The following SH3BP5 variants were observed in gnomAD, a reference collection of about 807,000 sequenced individuals.
The protein encoded by SH3BP5 is SH3 domain binding protein 5, also known as SH3 domain-binding protein 5.
In SH3BP5, 22 loss-of-function variants were observed where a neutral mutation model predicts 43.3. That is an observed-to-expected ratio of 0.51 (90% CI 0.36 to 0.73). SH3BP5 has a LOEUF of 0.73. Ranked by LOEUF, SH3BP5 falls within the 30% of genes least tolerant of loss-of-function variation. The pLI, the probability that SH3BP5 is intolerant of heterozygous loss-of-function variation, is 0.00. For synonymous variants in SH3BP5, 255 were observed against 225.8 expected, an observed-to-expected ratio of 1.13 and a Z score of -1.16; for missense variants, 529 against 586.9, an observed-to-expected ratio of 0.90 and a Z score of 1.02.
chr3:15,257,487 G>T, intron 7 of SH3BP5: 1 of 175,010 alleles, frequency 5.7e-6, no homozygotes, highest in Non-Finnish European at 1.2e-5. Flanking sequence ...CTAGTCCTCT[G>T]TAACATATCC....
intron 3 of SH3BP5, among the ~76,000 whole-genome samples, chr3:15,291,770 T>C (rs1226222603): frequency 2.0e-5 from 3 of 152,210 alleles, no homozygotes; most frequent in Non-Finnish European, 4.4e-5. Context: ...GCTATGGGAA[T>C]GTTTGTAAGT....
At chr3:15,272,882 C>T (rs1035127598) in intron 3 of SH3BP5, among the ~76,000 whole-genome samples, 1 of 152,212 alleles carries the variant, frequency 6.6e-6, no homozygotes, top group Non-Finnish European at 1.5e-5. Context: ...CTCAGGTGTG[C>T]CTCAGCTACA....
At position 15,332,581 on chromosome 3, in the gene SH3BP5, G is replaced by C; in HGVS notation, c.-173C>G. On this transcript the variant is annotated 5_prime_UTR_variant, in exon 1 of 9. Transcript: ENST00000383791. ...TGCGGATACCTCCGGCCGCGGCGGA[G>C]CAGAGGAAATGGGCGCGGCCGCCCC... 3 of 1,213,006 alleles carry C rather than the reference G, an allele frequency of 2.5e-6. No homozygotes were observed. The highest frequency in any genetic ancestry group is 3.1e-6 in the Non-Finnish European group (3 of 977,176). The allele number at this position is 1,213,006 out of a possible 1,614,324, so 75.1% of individuals were successfully genotyped here. A position where few individuals can be genotyped will look rare whatever the true frequency, so the allele number is the denominator to read the frequency against.
chr3:15,309,439 C>T (rs1184913779), intron 2 of SH3BP5, among the ~76,000 whole-genome samples: 1 of 152,140 alleles, frequency 6.6e-6, no homozygotes, highest in Non-Finnish European at 1.5e-5. Context: ...TGGCTATTCA[C>T]AGGCATGATC....
At chr3:15,259,468 T>A (rs969004158) in intron 6 of SH3BP5, 23 of 552,342 alleles carry the variant, frequency 4.2e-5, no homozygotes, top group African/African-American at 4.0e-4. Context: ...CGGTCTAGAG[T>A]GGGACCTGGT....
Position 15,254,709 on chromosome 3 carries a change from A to C in SH3BP5, c.*1377T>G, listed in dbSNP as rs920220158. ...TTCAAACCTTGGTAAACAAGGCTTA[A>C]ATTATTACTGTTCATGACCTTAATT... On this transcript the variant is annotated 3_prime_UTR_variant, in exon 9 of 9. Coordinates refer to ENST00000383791, the MANE Select transcript of SH3BP5 (RefSeq NM_004844.5). 3 of 152,148 alleles carry C rather than the reference A, an allele frequency of 2.0e-5. No homozygotes were observed. Among genetic ancestry groups the C allele is most frequent in the Admixed American group, 2.0e-4 (3 of 15,286 alleles). 9.4% of individuals were successfully genotyped at this position (152,148 alleles called of 1,614,324 possible). A position where few individuals can be genotyped will look rare whatever the true frequency, so the allele number is the denominator to read the frequency against.
chr3:15,265,484 C>G lies in SH3BP5; in HGVS notation c.496-3195G>C, dbSNP rs192180086. Among the ~76,000 whole-genome samples the G allele has an allele frequency of 1.5e-4, 21 of 141,474 alleles. 1 individual carries two copies. Among genetic ancestry groups the G allele is most frequent in the African/African-American group, 5.5e-4 (20 of 36,560 alleles). The allele number at this position is 141,474 out of a possible 152,430, so 92.8% of individuals were successfully genotyped here. On this transcript the variant is annotated intron_variant, in intron 4 of 8. Coordinates refer to ENST00000383791, the MANE Select transcript of SH3BP5 (RefSeq NM_004844.5). ...TGAGCCAAGATCGCGCCGCTGCACT[C>G]CAGCCTGAGCTACAGGGCGAGACTC... is the stretch of plus-strand genomic sequence containing the variant.
At chr3:15,258,104 C>T (rs1696289669) in intron 7 of SH3BP5, 1 of 152,164 alleles carries the variant, frequency 6.6e-6, no homozygotes, top group South Asian at 2.1e-4. Flanking sequence ...TTACCTTGAA[C>T]CTAGTACTTA....
intron 2 of SH3BP5, among the ~76,000 whole-genome samples, 189 bp downstream of exon 2, chr3:15,330,315 T>C (rs1213794445): frequency 2.0e-5 from 3 of 152,354 alleles, no homozygotes; most frequent in South Asian, 2.1e-4. Context: ...ACATGTGCAA[T>C]TGGATCCACA....
intron 2 of SH3BP5, among the ~76,000 whole-genome samples, chr3:15,318,769 G>A (rs562444094): frequency 3.3e-5 from 5 of 152,150 alleles, no homozygotes; most frequent in South Asian, 2.1e-4. Context: ...ATAGGGTTTC[G>A]CCATGTTAGC....
chr3:15,255,322 G>A lies in SH3BP5; in HGVS notation c.*764C>T, dbSNP rs1575268473. ...CCATTCTTCACATGCACTTCTCTTA[G>A]AATAAATCCCCTTGGCTGGCAGGAT... On this transcript the variant is annotated 3_prime_UTR_variant, in exon 9 of 9. Transcript: ENST00000383791. 6.6e-6 allele frequency: 1 copy of A among 152,558 alleles called. No homozygotes were observed. Among genetic ancestry groups the A allele is most frequent in the African/African-American group, 2.4e-5 (1 of 41,400 alleles). 9.5% of individuals were successfully genotyped at this position (152,558 alleles called of 1,614,324 possible). A position where few individuals can be genotyped will look rare whatever the true frequency, so the allele number is the denominator to read the frequency against.
At chr3:15,313,243 A>G (rs1175086793) in intron 2 of SH3BP5, among the ~76,000 whole-genome samples, 3 of 152,238 alleles carry the variant, frequency 2.0e-5, no homozygotes, top group African/African-American at 4.8e-5. Flanking sequence ...TTGGGCAACA[A>G]GAGCGAAATG....
Position 15,256,185 on chromosome 3 carries a change from C to T in SH3BP5, c.1269G>A (p.Glu423=), listed in dbSNP as rs1313067177. ...TCATCCGGTTCTCCAAGGCCTGGCC[C>T]TCAGGGGAGGTGCTGCTTTGGCTCT... ...SSKSQSSTSP[E]GQALENRMKQ... is the part of the protein sequence containing the mutation. The change falls in exon 9 of 9, where the codon GAG becomes GAA. Residue 423 remains glutamate, a synonymous_variant. Transcript: ENST00000383791. 6.2e-7 allele frequency: 1 copy of T among 1,614,186 alleles called. No homozygotes were observed. The highest frequency in any genetic ancestry group is 1.1e-5 in the South Asian group (1 of 91,086).
upstream of SH3BP5, among the ~76,000 whole-genome samples, chr3:15,336,354 CT>C (rs1257773017): frequency 6.6e-6 from 1 of 151,962 alleles, no homozygotes; most frequent in Non-Finnish European, 1.5e-5. Flanking sequence ...CACGGAGATG[CT>C]TTAGGTCATG....
intron 2 of SH3BP5, among the ~76,000 whole-genome samples, chr3:15,322,034 G>A (rs549970324): frequency 4.0e-5 from 6 of 151,842 alleles, no homozygotes; most frequent in Non-Finnish European, 8.8e-5. Context: ...GTGAAACCCC[G>A]TCTCTACTAA....
intron 6 of SH3BP5, 33 bp downstream of exon 6, chr3:15,259,728 C>G: frequency 2.5e-6 from 4 of 1,610,090 alleles, no homozygotes; most frequent in Non-Finnish European, 3.4e-6. Context: ...GCAGAAAAAT[C>G]TCATCAGTGA....
rs958828676 is a variant in SH3BP5 at position 15,254,864 on chromosome 3, C to T, written c.*1222G>A. 1 of 152,050 alleles carries T rather than the reference C, an allele frequency of 6.6e-6. No individual in the cohort carries two copies. Among genetic ancestry groups the T allele is most frequent in the South Asian group, 2.1e-4 (1 of 4,830 alleles). 9.4% of individuals were successfully genotyped at this position (152,050 alleles called of 1,614,324 possible). Reference sequence around the variant, plus strand: ...CAGAAAGGAGAAACTTTTCTCAAGCCGTTTTTATTACACTTAGTGTATTAA... The same window carrying T: ...CAGAAAGGAGAAACTTTTCTCAAGCTGTTTTTATTACACTTAGTGTATTAA... On this transcript the variant is annotated 3_prime_UTR_variant, in exon 9 of 9. Coordinates refer to ENST00000383791, the MANE Select transcript of SH3BP5 (RefSeq NM_004844.5).
In SH3BP5 at chr3:15,255,911, C is replaced by T. The variant is rs909074989; in HGVS notation, c.*175G>A. ...CAAGAACTCTGCTCTGAAAAACCAG[C>T]CCAAGAGCTCTTACCCAGAAGAACA... is the stretch of plus-strand genomic sequence containing the variant. On this transcript the variant is annotated 3_prime_UTR_variant, in exon 9 of 9. Coordinates refer to ENST00000383791, the MANE Select transcript of SH3BP5 (RefSeq NM_004844.5). The T allele has an allele frequency of 3.8e-5, 24 of 631,814 alleles. No homozygotes were observed. The highest frequency in any genetic ancestry group is 2.6e-4 in the Admixed American group (9 of 34,388). The allele number at this position is 631,814 out of a possible 1,614,324, so 39.1% of individuals were successfully genotyped here.
chr3:15,331,362 G>A (rs188267769), intron 1 of SH3BP5, among the ~76,000 whole-genome samples: 1 of 152,078 alleles, frequency 6.6e-6, no homozygotes, highest in Non-Finnish European at 1.5e-5. Flanking sequence ...AAATTGATCT[G>A]TGCACTAAAA....
Sources: gnomAD v4.1 joint callset for allele counts (sites outside exome capture counted in the v4.1 genomes callset) on GRCh38, gnomAD v4.1.1 for gene constraint, MANE v1.5 for transcripts, NCBI Gene and HGNC (gene_info 2026-07-23, HGNC 2026-07-21) for gene names.